Variants in CNTN4 observed in about 807,000 individuals in gnomAD.
The protein encoded by CNTN4 is contactin 4.
Under a neutral mutation model 122.5 loss-of-function variants are expected in CNTN4, and 77 were observed. The observed-to-expected ratio is 0.63, with a 90% confidence interval of 0.52 to 0.76. CNTN4 has a LOEUF of 0.76. CNTN4 is among the 30% of genes least tolerant of loss of function. The probability of loss-of-function intolerance (pLI) is 0.00; values close to 1 mark genes in which losing one functional copy is unlikely to be tolerated. For synonymous variants in CNTN4, 512 were observed against 447.0 expected (o/e 1.15, Z -1.83); for missense variants, 1,256 against 1,259.1 (o/e 1.00, Z 0.04).
Position 3,047,787 on chromosome 3 carries a change from C to T in CNTN4, c.2811+4083C>T, listed in dbSNP as rs188404146. ...AGAAATAACTAAGATCAGAGCAGAA[C>T]TGAAGGAGATAGAGACACAAAAAAC... On this transcript the variant is annotated intron_variant, in intron 23 of 24. Transcript: ENST00000418658. Among the ~76,000 whole-genome samples, 30 of 151,290 alleles carry T rather than the reference C, an allele frequency of 2.0e-4. No homozygotes were observed. The East Asian group carries it at 5.2e-3, about 26-fold the overall frequency.
At chr3:2,883,885 A>C (rs2093939568) in intron 9 of CNTN4, among the ~76,000 whole-genome samples, 2 of 152,324 alleles carry the variant, frequency 1.3e-5, no homozygotes, top group Admixed American at 6.5e-5. Flanking sequence ...AAGAACATGA[A>C]ATGCACATCA....
chr3:2,783,688 C>A (rs2091697895), intron 6 of CNTN4, among the ~76,000 whole-genome samples: 1 of 152,148 alleles, frequency 6.6e-6, no homozygotes, highest in Admixed American at 6.5e-5. Flanking sequence ...AAATCTCGAA[C>A]AAATTTCATG....
chr3:2,615,191 G>A (rs116148961), intron 4 of CNTN4, among the ~76,000 whole-genome samples: 4 of 152,156 alleles, frequency 2.6e-5, no homozygotes, highest in Non-Finnish European at 1.5e-5. Context: ...TTGTTAAATA[G>A]TCTGTATCAT....
At chr3:2,115,250 G>T (rs1358991695) in intron 2 of CNTN4, among the ~76,000 whole-genome samples, 3 of 152,212 alleles carry the variant, frequency 2.0e-5, no homozygotes, top group Admixed American at 2.0e-4. Context: ...GCTTTTTACT[G>T]TGTCAGTGTC....
At position 2,709,071 on chromosome 3, in the gene CNTN4, C is replaced by T. The variant is rs901476221; in HGVS notation, c.56-27144C>T. Among the ~76,000 whole-genome samples, 2 of 152,108 alleles carry T rather than the reference C, an allele frequency of 1.3e-5. No individual in the cohort carries two copies. Among genetic ancestry groups the T allele is most frequent in the African/African-American group, 2.4e-5 (1 of 41,410 alleles). On this transcript the variant is annotated intron_variant, in intron 4 of 24. Transcript: ENST00000418658. The surrounding 1 kb of genome is among the most constrained non-coding windows in gnomAD (Gnocchi z 5.0). Reference sequence around the variant, plus strand: ...TATCTCATAGACCATCCCCCCTCTGCTGCCACTGAATTTCATTTAGACCTC... The same window carrying T: ...TATCTCATAGACCATCCCCCCTCTGTTGCCACTGAATTTCATTTAGACCTC...
intron 3 of CNTN4, among the ~76,000 whole-genome samples, chr3:2,451,956 G>A (rs536214343): frequency 2.0e-5 from 3 of 152,258 alleles, no homozygotes; most frequent in Admixed American, 6.5e-5. Flanking sequence ...CATAAAGCGT[G>A]CTCTTGAAAA....
chr3:2,214,827 A>T (rs1267166258), intron 2 of CNTN4, among the ~76,000 whole-genome samples: 1 of 152,208 alleles, frequency 6.6e-6, no homozygotes, highest in Non-Finnish European at 1.5e-5. Context: ...TGTTAAATAT[A>T]ATCTGATATT....
chr3:2,175,284 A>G (rs528375553), intron 2 of CNTN4, among the ~76,000 whole-genome samples: 1 of 150,192 alleles, frequency 6.7e-6, no homozygotes, highest in African/African-American at 2.4e-5. Context: ...TTTTTTTTGT[A>G]GGATTCCCTG....
At chr3:2,960,346 C>G (rs1874950) in intron 13 of CNTN4, among the ~76,000 whole-genome samples, 4 of 151,896 alleles carry the variant, frequency 2.6e-5, no homozygotes, top group East Asian at 1.9e-4. Context: ...CTATAGGTAC[C>G]GCACGGGCAA....
At chr3:2,537,409 CTA>C (rs2077853518) in intron 3 of CNTN4, among the ~76,000 whole-genome samples, 2 of 152,068 alleles carry the variant, frequency 1.3e-5, no homozygotes, top group Non-Finnish European at 1.5e-5. Context: ...TTTGTGAGAG[CTA>C]TGTCTGTGAT....
Position 2,925,760 on chromosome 3 carries a change from A to C in CNTN4, c.1339A>C (p.Ile447Leu). 1 of 1,613,682 alleles carries C rather than the reference A, an allele frequency of 6.2e-7. No individual in the cohort carries two copies. The highest frequency in any genetic ancestry group is 1.3e-5 in the African/African-American group (1 of 75,036). ...TTACACCTGGAAGAAAGGAAGGGAT[A>C]TATTAAAAGAAAATGAAAGGTACTG... ...PVYTWKKGRD[I>L]LKENERITIS... The change falls in exon 13 of 25, where the codon ATA becomes CTA. Residue 447 changes from isoleucine to leucine, a missense_variant. Physicochemically the swap from Ile to Leu is conservative, Grantham distance 5. Coordinates refer to ENST00000418658, the MANE Select transcript of CNTN4 (RefSeq NM_175607.3).
intron 6 of CNTN4, among the ~76,000 whole-genome samples, chr3:2,796,926 A>T (rs1260162825): frequency 1.3e-5 from 2 of 152,168 alleles, no homozygotes; most frequent in Non-Finnish European, 2.9e-5. Context: ...TCATACTCAG[A>T]TTCCTACAGT....
At chr3:2,321,443 G>C (rs1047486431) in intron 2 of CNTN4, among the ~76,000 whole-genome samples, 7 of 152,098 alleles carry the variant, frequency 4.6e-5, no homozygotes, top group Non-Finnish European at 1.0e-4. Context: ...CCTGTACTTA[G>C]TAAATAGCTC....
In CNTN4 at chr3:2,590,319, C is replaced by T. The variant is rs776630934; in HGVS notation, c.55+18761C>T. On this transcript the variant is annotated intron_variant, in intron 4 of 24. Transcript: ENST00000418658. The stretch of plus-strand genomic sequence containing the variant: ...TCGCCCAGGCTGGAGTGCAGTGGCA[C>T]GATCTTGGCTCACTGTAACCTACGC... Among the ~76,000 whole-genome samples, 45 of 152,094 alleles carry T rather than the reference C, an allele frequency of 3.0e-4. 1 individual carries two copies. Among genetic ancestry groups the T allele is most frequent in the Non-Finnish European group, 5.6e-4 (38 of 68,032 alleles).
intron 6 of CNTN4, among the ~76,000 whole-genome samples, chr3:2,802,132 A>G (rs2092363065): frequency 6.6e-6 from 1 of 152,152 alleles, no homozygotes; most frequent in East Asian, 1.9e-4. Context: ...TTTATGCCTG[A>G]AGCATGGGCT....
intron 2 of CNTN4, among the ~76,000 whole-genome samples, chr3:2,163,353 C>G (rs1396868482): frequency 1.3e-5 from 2 of 152,200 alleles, no homozygotes; most frequent in Non-Finnish European, 1.5e-5. Context: ...AAAATCAACT[C>G]AAGATTCATC....
chr3:2,747,261 T>C (rs548344041), intron 6 of CNTN4, among the ~76,000 whole-genome samples: 11 of 150,066 alleles, frequency 7.3e-5, no homozygotes, highest in Non-Finnish European at 2.9e-5. Flanking sequence ...TACAAAAAAT[T>C]AGCCGGGCGC....
At chr3:2,103,161 C>A (rs538751086) in intron 2 of CNTN4, among the ~76,000 whole-genome samples, 8 of 151,000 alleles carry the variant, frequency 5.3e-5, no homozygotes, top group Non-Finnish European at 1.0e-4. Context: ...TCTCTCACTC[C>A]AGAATTGATT....
At chr3:2,152,881 G>A (rs768281436) in intron 2 of CNTN4, among the ~76,000 whole-genome samples, 11 of 152,164 alleles carry the variant, frequency 7.2e-5, no homozygotes, top group Non-Finnish European at 1.0e-4. Context: ...CTTTCCTGGG[G>A]CAGACGTTGC....
Sources: gnomAD v4.1 joint callset for allele counts (sites outside exome capture counted in the v4.1 genomes callset) on GRCh38, gnomAD v4.1.1 for gene constraint, Gnocchi (gnomAD v3.1) non-coding constraint, MANE v1.5 for transcripts, NCBI Gene and HGNC (gene_info 2026-07-23, HGNC 2026-07-21) for gene names.